LIFR: variants seen among roughly 807,000 people sequenced by gnomAD.
The protein encoded by LIFR is leukemia inhibitory factor receptor.
LIFR carries 84 observed loss-of-function variants against 122.2 expected under a neutral mutation model. The observed-to-expected ratio is 0.69, with a 90% CI of 0.58 to 0.82. LIFR has a LOEUF of 0.82. Ranked by LOEUF, LIFR falls within the 40% of genes least tolerant of loss-of-function variation. The pLI is 0.00. For synonymous variants in LIFR, 422 were observed against 434.7 expected (o/e 0.97, Z 0.36); for missense variants, 1,294 against 1,311.6 (o/e 0.99, Z 0.21).
At chr5:38,536,818 T>C (rs1747317771) in intron 1 of LIFR, among the ~76,000 whole-genome samples, 1 of 152,248 alleles carries the variant, frequency 6.6e-6, no homozygotes. Flanking sequence ...TACTTCAATA[T>C]GCGTTCTGCA....
chr5:38,477,908 T>A lies in LIFR; in HGVS notation c.*3687A>T, dbSNP rs1239761976. On this transcript the variant is annotated 3_prime_UTR_variant, in exon 20 of 20. Transcript: ENST00000453190. Reference sequence around the variant, plus strand: ...CATTTCATAAAATGCACACAAATTTTAACATAATTCAAAATAGAGAATAGC... The same window carrying A: ...CATTTCATAAAATGCACACAAATTTAAACATAATTCAAAATAGAGAATAGC... 1 of 214,690 alleles carries A rather than the reference T, an allele frequency of 4.7e-6. No individual in the cohort carries two copies. The highest frequency in any genetic ancestry group is 9.4e-6 in the Non-Finnish European group (1 of 106,318). The allele number at this position is 214,690 out of a possible 1,614,324, so 13.3% of individuals were successfully genotyped here.
intron 10 of LIFR, among the ~76,000 whole-genome samples, 187 bp from the exon 11 acceptor site, chr5:38,502,986 T>G (rs151048038): frequency 6.6e-6 from 1 of 152,248 alleles, no homozygotes; most frequent in Non-Finnish European, 1.5e-5. Context: ...AATATTTTAA[T>G]TCTTATATAC....
intron 9 of LIFR, 138 bp downstream of exon 9, chr5:38,505,767 A>G (rs1745440439): frequency 2.8e-6 from 1 of 362,826 alleles, no homozygotes; most frequent in African/African-American, 2.1e-5. Context: ...AAGTTTTTAT[A>G]AATAAAATTT....
rs1312209791 is a variant in LIFR, at chr5:38,495,784, G to A, written c.1885+598C>T. On this transcript the variant is annotated intron_variant, in intron 13 of 19. Transcript: ENST00000453190. ...TCAAAGTTGTCAAGGCAGAAGCTGG[G>A]AAGAATGTATTAATCACTGGACATC... Among the ~76,000 whole-genome samples the A allele has an allele frequency of 2.0e-5, 3 of 152,162 alleles. No individual in the cohort carries two copies. The East Asian group carries it at 5.8e-4, about 29-fold the overall frequency.
At chr5:38,569,787 T>G (rs1031131640) in intron 1 of LIFR, among the ~76,000 whole-genome samples, 38 of 152,362 alleles carry the variant, frequency 2.5e-4, no homozygotes, top group Non-Finnish European at 5.0e-4. Context: ...ATTAAAATCC[T>G]ATTCTTCAAG....
In LIFR at chr5:38,516,020, T is replaced by C. The variant is rs112739103; in HGVS notation, c.562-4056A>G. Among the ~76,000 whole-genome samples, 343 of 152,364 alleles carry C rather than the reference T, an allele frequency of 2.3e-3. 1 individual carries two copies. Among genetic ancestry groups the C allele is most frequent in the African/African-American group, 7.8e-3 (323 of 41,586 alleles). On this transcript the variant is annotated intron_variant, in intron 5 of 19. Coordinates refer to ENST00000453190, the MANE Select transcript of LIFR (RefSeq NM_001127671.2). The stretch of plus-strand genomic sequence containing the variant: ...ACTGACATTAATAACGTACTATTAA[T>C]AAAAATGCCCTGAGGCATTTTCCCT...
rs149932478 is a variant in LIFR at position 38,475,961 on chromosome 5, A to G, written c.*5634T>C. 4.2e-3 allele frequency: 835 copies of G among 198,050 alleles called. 17 individuals carry two copies. The highest frequency in any genetic ancestry group is 0.041 in the Admixed American group (684 of 16,538). The allele number at this position is 198,050 out of a possible 1,614,324, so 12.3% of individuals were successfully genotyped here. ...AAAAGCCGTGCTCTTTTTTGAGAAA[A>G]TAACAGGATAAAACAAACGCCAGGA... On this transcript the variant is annotated 3_prime_UTR_variant, in exon 20 of 20. Transcript: ENST00000453190.
intron 1 of LIFR, among the ~76,000 whole-genome samples, chr5:38,578,059 T>C (rs1749444021): frequency 6.6e-6 from 1 of 152,202 alleles, no homozygotes; most frequent in African/African-American, 2.4e-5. Flanking sequence ...TTCCAAGGTG[T>C]GGTTAACAGA....
chr5:38,512,294 T>C (rs1745842766), intron 5 of LIFR, among the ~76,000 whole-genome samples: 1 of 152,060 alleles, frequency 6.6e-6, no homozygotes, highest in South Asian at 2.1e-4. Context: ...TTGCATTATA[T>C]ACTTCTCAGA....
upstream of LIFR, among the ~76,000 whole-genome samples, chr5:38,599,750 AAATT>A (rs1381807930): frequency 6.6e-6 from 1 of 152,180 alleles, no homozygotes; most frequent in Non-Finnish European, 1.5e-5. Context: ...TTTAATTAAC[AAATT>A]AATTAAACCT....
At chr5:38,539,142 T>C (rs1051908024) in intron 1 of LIFR, among the ~76,000 whole-genome samples, 1 of 152,096 alleles carries the variant, frequency 6.6e-6, no homozygotes, top group African/African-American at 2.4e-5. Flanking sequence ...TTGTATTTTT[T>C]AGGAGAGACG....
intron 1 of LIFR, among the ~76,000 whole-genome samples, chr5:38,535,423 C>A (rs1356137668): frequency 6.6e-6 from 1 of 152,104 alleles, no homozygotes; most frequent in East Asian, 1.9e-4. Flanking sequence ...TTCCATAGGC[C>A]AAATCTTACC....
At chr5:38,559,534 T>A (rs749597962), upstream of LIFR, among the ~76,000 whole-genome samples, 1 of 152,224 alleles carries the variant, frequency 6.6e-6, no homozygotes, top group Non-Finnish European at 1.5e-5. Flanking sequence ...AAATTCTAAT[T>A]TATATAATAT....
At chr5:38,588,439 A>G (rs1265083658) in intron 1 of LIFR, among the ~76,000 whole-genome samples, 2 of 152,206 alleles carry the variant, frequency 1.3e-5, no homozygotes, top group Non-Finnish European at 2.9e-5. Flanking sequence ...GGCTTTAAAT[A>G]CTTTTATTGA....
intron 1 of LIFR, among the ~76,000 whole-genome samples, chr5:38,531,547 T>C (rs901904876): frequency 2.0e-5 from 3 of 151,142 alleles, no homozygotes; most frequent in Non-Finnish European, 3.0e-5. Context: ...GGCATAACTA[T>C]AAAAAACTAG....
In LIFR at chr5:38,605,548, G is replaced by T. The variant is rs142773381; in HGVS notation, n.305+657C>A. ...GTGTGTGAAAGGAAAATAAATTTTG[G>T]GACCCCCAAATCACAAAGCCAAAGG... On this transcript the variant is annotated intron_variant and non_coding_transcript_variant, in intron 2 of 3. Coordinates refer to the LIFR transcript ENST00000507786. Among the ~76,000 whole-genome samples the T allele has an allele frequency of 4.3e-3, 661 of 152,162 alleles. 8 individuals carry two copies. Among genetic ancestry groups the T allele is most frequent in the Admixed American group, 0.02 (301 of 15,292 alleles).
At chr5:38,553,223 C>T (rs1029126318) in intron 1 of LIFR, among the ~76,000 whole-genome samples, 1 of 152,140 alleles carries the variant, frequency 6.6e-6, no homozygotes, top group Non-Finnish European at 1.5e-5. Context: ...TCTCCAAAAT[C>T]ATAGGCTTCT....
At chr5:38,550,512 T>A (rs1036295042) in intron 1 of LIFR, among the ~76,000 whole-genome samples, 8 of 152,252 alleles carry the variant, frequency 5.3e-5, no homozygotes, top group East Asian at 3.9e-4. Flanking sequence ...AGAGTTTGGG[T>A]TTTAATAGCA....
chr5:38,509,276 A>AGTTT (rs1745664062), intron 7 of LIFR, among the ~76,000 whole-genome samples: 1 of 152,148 alleles, frequency 6.6e-6, no homozygotes, highest in Non-Finnish European at 1.5e-5. Context: ...CTCAACTTAG[A>AGTTT]CTCCAGGACT....
Sources: gnomAD v4.1 joint callset for allele counts (sites outside exome capture counted in the v4.1 genomes callset) on GRCh38, gnomAD v4.1.1 for gene constraint, MANE v1.5 for transcripts, NCBI Gene and HGNC (gene_info 2026-07-23, HGNC 2026-07-21) for gene names.